The following FOCAD variants were observed in gnomAD, a reference collection of about 807,000 sequenced individuals.
FOCAD encodes the protein focadhesin, also known as KIAA1797.
FOCAD carries 198 observed loss-of-function variants against 225.6 expected under a neutral mutation model. That is an observed-to-expected ratio of 0.88 (90% confidence interval 0.78 to 0.99). The LOEUF (loss-of-function observed/expected upper bound fraction) is 0.99, where lower values mean the gene tolerates loss of function less well. FOCAD is among the 50% of genes least tolerant of loss of function. The pLI, the probability that FOCAD is intolerant of heterozygous loss-of-function variation, is 0.00. For missense variants in FOCAD, 2,713 were observed against 2,123.6 expected, an observed-to-expected ratio of 1.28 and a Z score of -5.46; for synonymous variants, 897 against 755.0, an observed-to-expected ratio of 1.19 and a Z score of -3.08.
At chr9:20,909,259 T>C (rs769226422) in intron 22 of FOCAD, among the ~76,000 whole-genome samples, 12 of 152,060 alleles carry the variant, frequency 7.9e-5, no homozygotes, top group Non-Finnish European at 1.2e-4. Flanking sequence ...GTAGATGTTA[T>C]TAACCCCATG....
At chr9:20,874,649 C>A (rs1830076961) in intron 18 of FOCAD, 32 bp from the exon 19 acceptor site, 1 of 1,596,784 alleles carries the variant, frequency 6.3e-7, no homozygotes, top group South Asian at 1.1e-5. Flanking sequence ...TTATTATTAT[C>A]CTCTCTATGA....
intron 11 of FOCAD, among the ~76,000 whole-genome samples, chr9:20,808,913 CTT>C (rs1206954252): frequency 1.3e-5 from 2 of 152,100 alleles, no homozygotes; most frequent in Non-Finnish European, 1.5e-5. Flanking sequence ...AAGTAACATT[CTT>C]TAAATCTGTA....
intron 24 of FOCAD, among the ~76,000 whole-genome samples, chr9:20,922,778 T>A (rs1376850551): frequency 2.0e-5 from 3 of 152,208 alleles, no homozygotes; most frequent in Non-Finnish European, 4.4e-5. Flanking sequence ...GATCTGATGG[T>A]ATGGGTGCTC....
In FOCAD at chr9:20,946,474, G is replaced by A. The variant is rs368262912; in HGVS notation, c.3556-227G>A. Among the ~76,000 whole-genome samples the A allele has an allele frequency of 7.9e-5, 12 of 152,186 alleles. No homozygotes were observed. In the East Asian group the frequency reaches 9.6e-4, roughly 12 times the overall value. On this transcript the variant is annotated intron_variant, in intron 29 of 43. Coordinates refer to ENST00000338382, the MANE Select transcript of FOCAD (RefSeq NM_001375567.1). ...TCACTTGCTAGCTACATGAAATTGAGCTTCAAAGTTCTTATCTATAAAGTA... is the reference window on the plus strand; with the variant it reads ...TCACTTGCTAGCTACATGAAATTGAACTTCAAAGTTCTTATCTATAAAGTA...
chr9:20,694,974 G>A (rs963076728), intron 1 of FOCAD, among the ~76,000 whole-genome samples: 1 of 152,114 alleles, frequency 6.6e-6, no homozygotes, highest in Non-Finnish European at 1.5e-5. Context: ...TACTATGTCT[G>A]TTTAGTCACT....
At chr9:20,861,552 C>G (rs1828772390) in intron 15 of FOCAD, among the ~76,000 whole-genome samples, 1 of 152,110 alleles carries the variant, frequency 6.6e-6, no homozygotes, top group Admixed American at 6.5e-5. Context: ...GCACTGAATC[C>G]AAGTTTTCTC....
chr9:20,727,473 G>C (rs1826296802), intron 4 of FOCAD, among the ~76,000 whole-genome samples: 3 of 152,098 alleles, frequency 2.0e-5, no homozygotes, highest in African/African-American at 7.2e-5. Context: ...ACAAATGAGT[G>C]CACAGAACTT....
chr9:20,946,852 G>C (rs1312055954), intron 30 of FOCAD, 32 bp downstream of exon 30: 1 of 1,610,128 alleles, frequency 6.2e-7, no homozygotes. Flanking sequence ...ATTTCTCTCT[G>C]TGGGTCTCAT....
intron 15 of FOCAD, among the ~76,000 whole-genome samples, chr9:20,823,321 C>G (rs536018045): frequency 1.3e-5 from 2 of 152,142 alleles, no homozygotes; most frequent in South Asian, 4.1e-4. Context: ...TAGGCATTCT[C>G]TAGAGATCAA....
intron 2 of FOCAD, among the ~76,000 whole-genome samples, chr9:20,667,213 C>T (rs1314731154): frequency 1.3e-5 from 2 of 152,172 alleles, no homozygotes; most frequent in Non-Finnish European, 2.9e-5. Flanking sequence ...TAGCTTGTCT[C>T]ATATTATCAT....
chr9:20,723,266 T>C (rs1048170414), intron 4 of FOCAD, among the ~76,000 whole-genome samples: 6 of 152,212 alleles, frequency 3.9e-5, no homozygotes, highest in Admixed American at 1.3e-4. Flanking sequence ...GGCAGGCGAA[T>C]CACTTGAGGT....
At chr9:20,663,242 A>C (rs1226245793) in intron 2 of FOCAD, among the ~76,000 whole-genome samples, 1 of 152,008 alleles carries the variant, frequency 6.6e-6, no homozygotes, top group Non-Finnish European at 1.5e-5. Context: ...AAAACAAAAA[A>C]TTAGTCAGAC....
intron 15 of FOCAD, among the ~76,000 whole-genome samples, chr9:20,856,645 T>C (rs1828213077): frequency 6.6e-6 from 1 of 152,068 alleles, no homozygotes; most frequent in Admixed American, 6.6e-5. Context: ...TTTGGAGGTA[T>C]TACTCAAGAA....
intron 35 of FOCAD, among the ~76,000 whole-genome samples, chr9:20,958,913 C>T (rs1030704854): frequency 1.3e-5 from 2 of 152,042 alleles, no homozygotes; most frequent in African/African-American, 4.8e-5. Context: ...TGGATATATA[C>T]CAAATTTTAA....
At chr9:20,864,479 TC>T (rs1364130978) in intron 16 of FOCAD, among the ~76,000 whole-genome samples, 1 of 152,076 alleles carries the variant, frequency 6.6e-6, no homozygotes, top group African/African-American at 2.4e-5. Context: ...ACTTTCTTTT[TC>T]CTCTTTAATT....
upstream of FOCAD, among the ~76,000 whole-genome samples, chr9:20,682,763 G>T (rs533908712): frequency 2.6e-5 from 4 of 152,094 alleles, no homozygotes; most frequent in African/African-American, 9.7e-5. Context: ...CTTTAAGTAG[G>T]TTCAATATTG....
At chr9:20,793,688 T>C (rs1221371845) in intron 11 of FOCAD, among the ~76,000 whole-genome samples, 1 of 152,202 alleles carries the variant, frequency 6.6e-6, no homozygotes, top group East Asian at 1.9e-4. Context: ...CAGTGGAGTC[T>C]ATCTGCTTCC....
intron 8 of FOCAD, among the ~76,000 whole-genome samples, chr9:20,777,789 A>G (rs549539231): frequency 6.6e-6 from 1 of 152,212 alleles, no homozygotes; most frequent in South Asian, 2.1e-4. Flanking sequence ...ATTTTAGGCA[A>G]CTTTCAATGG....
intron 21 of FOCAD, among the ~76,000 whole-genome samples, chr9:20,906,331 C>G (rs1022791819): frequency 4.0e-5 from 6 of 148,346 alleles, no homozygotes; most frequent in African/African-American, 1.5e-4. Context: ...CACTCTCTCT[C>G]TTTTTTTTTT....
Sources: allele counts gnomAD v4.1 joint callset (sites outside exome capture counted in the v4.1 genomes callset), GRCh38; gene constraint gnomAD v4.1.1; transcripts MANE v1.5; gene names NCBI Gene and HGNC (gene_info 2026-07-23, HGNC 2026-07-21).